The following SGCZ variants were observed in gnomAD, a reference collection of about 807,000 sequenced individuals.
SGCZ encodes sarcoglycan zeta.
In SGCZ, 40 loss-of-function variants were observed where a neutral mutation model predicts 41.3. That is an observed-to-expected ratio of 0.97 (90% CI 0.75 to 1.26). The LOEUF is 1.26. Among genes scored for constraint, SGCZ ranks in the 50% most tolerant of loss-of-function variants. The pLI, the probability that SGCZ is intolerant of heterozygous loss-of-function variation, is 0.00. For synonymous variants in SGCZ, 206 were observed against 137.5 expected, an observed-to-expected ratio of 1.50 and a Z score of -3.49; for missense variants, 552 against 369.8, an observed-to-expected ratio of 1.49 and a Z score of -4.04.
chr8:14,978,470 C>CAAAAAA lies in SGCZ; in HGVS notation c.39+259109_39+259114dup, dbSNP rs59543494. 1.1e-3 allele frequency among the ~76,000 whole-genome samples: 69 copies of CAAAAAA among 62,828 alleles called. 7 individuals carry two copies. Among genetic ancestry groups the CAAAAAA allele is most frequent in the African/African-American group, 1.6e-3 (19 of 12,052 alleles). 41.2% of individuals were successfully genotyped at this position (62,828 alleles called of 152,430 possible). On this transcript the variant is annotated intron_variant, in intron 1 of 7. Coordinates refer to ENST00000382080, the MANE Select transcript of SGCZ (RefSeq NM_139167.4). ...TGGAGGACCGAGTGAGACACCGTCA[C>CAAAAAA]AAAAAAAAAAAAAAAAAAAAAAAAA...
chr8:15,154,665 A>C (rs1015021342), intron 1 of SGCZ, among the ~76,000 whole-genome samples: 2 of 152,354 alleles, frequency 1.3e-5, no homozygotes, highest in South Asian at 4.1e-4. Flanking sequence ...TAAAGGAAGC[A>C]ACCATCCTTC....
At chr8:14,145,141 G>C (rs1055449160) in intron 5 of SGCZ, among the ~76,000 whole-genome samples, 4 of 152,170 alleles carry the variant, frequency 2.6e-5, no homozygotes, top group Admixed American at 6.5e-5. Flanking sequence ...ACCCAGTGCT[G>C]TGCTGGCTTC....
At chr8:14,951,228 A>C (rs929439042) in intron 1 of SGCZ, among the ~76,000 whole-genome samples, 4 of 152,024 alleles carry the variant, frequency 2.6e-5, no homozygotes, top group Non-Finnish European at 4.4e-5. Context: ...TTAAAACATG[A>C]ATTATTAATT....
At chr8:14,809,232 A>G (rs1436614097) in intron 1 of SGCZ, among the ~76,000 whole-genome samples, 1 of 152,188 alleles carries the variant, frequency 6.6e-6, no homozygotes, top group Non-Finnish European at 1.5e-5. Context: ...AAGTATAATA[A>G]TAAAAGAAGA....
intron 1 of SGCZ, among the ~76,000 whole-genome samples, chr8:15,012,314 T>A (rs1802852564): frequency 1.3e-5 from 2 of 151,188 alleles, no homozygotes; most frequent in Admixed American, 6.6e-5. Context: ...AAATAAAAAA[T>A]TAGCATGATG....
intron 1 of SGCZ, among the ~76,000 whole-genome samples, chr8:14,877,857 T>C (rs1804420990): frequency 6.6e-6 from 1 of 152,146 alleles, no homozygotes; most frequent in Non-Finnish European, 1.5e-5. Context: ...TTCTAATGGA[T>C]TTTCATGTTC....
intron 1 of SGCZ, among the ~76,000 whole-genome samples, chr8:15,205,675 T>C (rs1046916499): frequency 6.6e-6 from 1 of 152,176 alleles, no homozygotes; most frequent in African/African-American, 2.4e-5. Flanking sequence ...GAATGTAAAT[T>C]AGTTCAACCA....
intron 2 of SGCZ, among the ~76,000 whole-genome samples, chr8:14,370,514 TAA>T (rs1472128083): frequency 2.0e-5 from 3 of 151,980 alleles, no homozygotes; most frequent in Non-Finnish European, 4.4e-5. Context: ...CCAATCACAG[TAA>T]CACAACTGGT....
At chr8:15,089,479 T>C (rs1231906150) in intron 1 of SGCZ, among the ~76,000 whole-genome samples, 3 of 152,040 alleles carry the variant, frequency 2.0e-5, no homozygotes, top group East Asian at 1.9e-4. Context: ...AATGAGACTT[T>C]CCAAAAAATG....
At chr8:14,858,634 C>T (rs937421807) in intron 1 of SGCZ, among the ~76,000 whole-genome samples, 4 of 152,132 alleles carry the variant, frequency 2.6e-5, no homozygotes, top group Admixed American at 6.5e-5. Flanking sequence ...AACCTATAAA[C>T]GAACCTTTCC....
At chr8:14,201,643 G>C (rs879929473) in intron 4 of SGCZ, among the ~76,000 whole-genome samples, 4 of 152,126 alleles carry the variant, frequency 2.6e-5, no homozygotes, top group African/African-American at 7.2e-5. Context: ...GTGGATGCTA[G>C]GTTTGACTAC....
chr8:14,174,923 T>A (rs377726386), intron 4 of SGCZ, among the ~76,000 whole-genome samples: 3 of 152,302 alleles, frequency 2.0e-5, no homozygotes, highest in East Asian at 1.9e-4. Flanking sequence ...TTTTGATGGA[T>A]CTGTGTGTCC....
rs149205146 is a variant in SGCZ at position 14,100,008 on chromosome 8, A to C, written c.744+2368T>G. 6.1e-3 allele frequency among the ~76,000 whole-genome samples: 929 copies of C among 152,282 alleles called. 8 individuals carry two copies. The highest frequency in any genetic ancestry group is 0.02 in the African/African-American group (851 of 41,556). On this transcript the variant is annotated intron_variant, in intron 7 of 7. Coordinates refer to ENST00000382080, the MANE Select transcript of SGCZ (RefSeq NM_139167.4). ...CCATGACTGATACTAAGTAGTTTAA[A>C]AACTATCTAAGGATAAGGACTTTAT...
At chr8:14,808,960 C>T (rs1199035685) in intron 1 of SGCZ, among the ~76,000 whole-genome samples, 9 of 151,226 alleles carry the variant, frequency 6.0e-5, no homozygotes, top group Admixed American at 5.9e-4. Context: ...AATCATCATT[C>T]TCAGTAAACT....
At chr8:14,253,524 C>T (rs951655664) in intron 3 of SGCZ, among the ~76,000 whole-genome samples, 1 of 151,974 alleles carries the variant, frequency 6.6e-6, no homozygotes. Flanking sequence ...TTTGACTTAA[C>T]AGAAAATCAC....
chr8:14,580,615 T>C (rs1041456506), intron 1 of SGCZ, among the ~76,000 whole-genome samples: 1 of 152,198 alleles, frequency 6.6e-6, no homozygotes, highest in African/African-American at 2.4e-5. Flanking sequence ...ACTGGACTTT[T>C]TATAATAGAA....
chr8:15,117,606 G>T (rs985504505), intron 1 of SGCZ, among the ~76,000 whole-genome samples: 1 of 152,042 alleles, frequency 6.6e-6, no homozygotes, highest in African/African-American at 2.4e-5. Flanking sequence ...GAAAGAATTT[G>T]CTCTACCTCC....
chr8:14,095,158 T>C (rs1261601421), intron 7 of SGCZ, among the ~76,000 whole-genome samples: 1 of 152,212 alleles, frequency 6.6e-6, no homozygotes, highest in Non-Finnish European at 1.5e-5. Context: ...TACTGGCTTC[T>C]GTTGCCATTG....
chr8:15,180,044 TAA>T (rs1800122071), intron 1 of SGCZ, among the ~76,000 whole-genome samples: 1 of 152,282 alleles, frequency 6.6e-6, no homozygotes, highest in African/African-American at 2.4e-5. Flanking sequence ...TAAAAAAAAT[TAA>T]AAGTGATTAC....
Sources: gnomAD v4.1 joint callset for allele counts (sites outside exome capture counted in the v4.1 genomes callset) on GRCh38, gnomAD v4.1.1 for gene constraint, MANE v1.5 for transcripts, NCBI Gene and HGNC (gene_info 2026-07-23, HGNC 2026-07-21) for gene names.